The following EYS variants were observed in gnomAD, a reference collection of about 807,000 sequenced individuals.
EYS encodes EGF-like photoreceptor maintenance factor.
In EYS, 250 loss-of-function variants were observed where a neutral mutation model predicts 282.1. The observed-to-expected ratio is 0.89, with a 90% CI of 0.80 to 0.98. The LOEUF (loss-of-function observed/expected upper bound fraction) is 0.98, where lower values mean the gene tolerates loss of function less well. Ranked by LOEUF, EYS falls within the 50% of genes least tolerant of loss-of-function variation. The pLI is 0.00. For missense variants in EYS, 4,016 were observed against 3,709.0 expected (o/e 1.08, Z -2.15); for synonymous variants, 1,355 against 1,282.9 (o/e 1.06, Z -1.20).
intron 12 of EYS, among the ~76,000 whole-genome samples, chr6:65,294,752 A>G (rs1368463832): frequency 3.3e-5 from 5 of 151,866 alleles, no homozygotes; most frequent in African/African-American, 1.2e-4. Flanking sequence ...CTATATATTT[A>G]CTGATATTTG....
chr6:65,335,784 T>C (rs916388238), intron 10 of EYS, among the ~76,000 whole-genome samples: 2 of 151,684 alleles, frequency 1.3e-5, no homozygotes, highest in Non-Finnish European at 1.5e-5. Context: ...TTACCACTTC[T>C]AGGAGAGCAC....
intron 26 of EYS, among the ~76,000 whole-genome samples, chr6:64,511,632 T>A (rs1234026236): frequency 6.6e-6 from 1 of 151,966 alleles, no homozygotes; most frequent in Non-Finnish European, 1.5e-5. Context: ...GAACACTGCT[T>A]TAGTTAGTCT....
intron 42 of EYS, 21 bp from the exon 43 acceptor site, chr6:63,721,818 A>G (rs1768408115): frequency 6.6e-7 from 1 of 1,526,284 alleles, no homozygotes. Flanking sequence ...GCAAACAGTA[A>G]GTTTGATTAG....
intron 12 of EYS, among the ~76,000 whole-genome samples, chr6:65,159,938 C>T (rs547993490): frequency 2.7e-5 from 4 of 150,936 alleles, no homozygotes; most frequent in South Asian, 4.1e-4. Flanking sequence ...ATGAGAGTAA[C>T]GAAGAGTCAA....
chr6:65,244,811 C>T (rs894575100), intron 12 of EYS, among the ~76,000 whole-genome samples: 15 of 151,968 alleles, frequency 9.9e-5, no homozygotes, highest in Non-Finnish European at 1.8e-4. Context: ...CTTGAGCCAC[C>T]GCGCCTGGCC....
chr6:64,066,418 C>A lies in EYS; in HGVS notation c.6645G>T (p.Gly2215=), dbSNP rs376974348. ...TCAAAATATTTTGAGAATTTCCACA[C>A]CCATATTTAACTGATGGCCTTCCTT... The part of the protein sequence containing the change: ...LVEGRPSVKY[G]CGNSQNILTV... The change falls in exon 33 of 43, where the codon GGG becomes GGT. Residue 2215 remains glycine (G), a synonymous_variant. Coordinates refer to ENST00000503581, the MANE Select transcript of EYS (RefSeq NM_001142800.2). 147 of 1,549,810 alleles carry A rather than the reference C, an allele frequency of 9.5e-5. 1 individual carries two copies. In the Admixed American group the frequency reaches 1.1e-3, roughly 12 times the overall value.
At chr6:64,486,604 A>C (rs1776584844) in intron 26 of EYS, among the ~76,000 whole-genome samples, 1 of 151,432 alleles carries the variant, frequency 6.6e-6, no homozygotes, top group African/African-American at 2.4e-5. Context: ...TCTGTATGTT[A>C]AAAATATAAA....
chr6:65,346,759 T>C (rs575116528), intron 9 of EYS, among the ~76,000 whole-genome samples: 1 of 151,856 alleles, frequency 6.6e-6, no homozygotes, highest in African/African-American at 2.4e-5. Flanking sequence ...AACAAGAACA[T>C]ACTATGTAAA....
chr6:65,395,741 G>C (rs1582236381), intron 7 of EYS, among the ~76,000 whole-genome samples: 1 of 152,076 alleles, frequency 6.6e-6, no homozygotes, highest in Admixed American at 6.6e-5. Context: ...AATCAAGTCA[G>C]ATTTAGGGCA....
intron 2 of EYS, among the ~76,000 whole-genome samples, chr6:65,543,971 A>C (rs1742971642): frequency 6.7e-6 from 1 of 150,000 alleles, no homozygotes; most frequent in African/African-American, 2.4e-5. Flanking sequence ...CACAGAATCA[A>C]ACTTTCCCAC....
intron 34 of EYS, among the ~76,000 whole-genome samples, chr6:63,990,378 G>A (rs2149795959): frequency 6.6e-6 from 1 of 151,708 alleles, no homozygotes; most frequent in East Asian, 2.0e-4. Flanking sequence ...AAAATTTATG[G>A]CATTCATTCA....
chr6:65,648,753 A>G (rs1582561410), intron 1 of EYS, among the ~76,000 whole-genome samples: 1 of 152,154 alleles, frequency 6.6e-6, no homozygotes, highest in Non-Finnish European at 1.5e-5. Flanking sequence ...AGGGAAGAAA[A>G]AAGAAAACAA....
At position 65,491,268 on chromosome 6, in the gene EYS, TATACAC is replaced by T. The variant is rs1414093272; in HGVS notation, c.749-567_749-562del. 4.1e-3 allele frequency: 664 copies of T among 160,702 alleles called. 5 individuals carry two copies. Among genetic ancestry groups the T allele is most frequent in the African/African-American group, 0.019 (594 of 30,642 alleles). The allele number at this position is 160,702 out of a possible 1,614,324, so 10.0% of individuals were successfully genotyped here. On this transcript the variant is annotated intron_variant, in intron 4 of 42. Transcript: ENST00000503581. ...TATTGTGGTCCCACTATATCAGTTA[TATACAC>T]ACACACACACACACACACACACACA...
chr6:64,136,924 GC>G (rs2150285358), intron 31 of EYS, among the ~76,000 whole-genome samples: 1 of 152,262 alleles, frequency 6.6e-6, no homozygotes, highest in African/African-American at 2.4e-5. Context: ...ATCTTTTGAA[GC>G]TTTGAAGCCA....
At chr6:65,615,820 G>A (rs763664706) in intron 2 of EYS, among the ~76,000 whole-genome samples, 11 of 152,124 alleles carry the variant, frequency 7.2e-5, no homozygotes, top group East Asian at 1.9e-4. Context: ...TGCAGTCCCA[G>A]CTACTTGGGA....
intron 12 of EYS, among the ~76,000 whole-genome samples, chr6:65,243,038 A>G (rs961304227): frequency 3.3e-5 from 5 of 152,094 alleles, no homozygotes; most frequent in Non-Finnish European, 5.9e-5. Flanking sequence ...ATACATGATT[A>G]ACAAGTGTTT....
chr6:65,454,138 T>G (rs1365016274), intron 5 of EYS, among the ~76,000 whole-genome samples: 2 of 142,770 alleles, frequency 1.4e-5, no homozygotes, highest in African/African-American at 2.5e-5. Flanking sequence ...GATTACAATG[T>G]GTGTAAGTGT....
intron 19 of EYS, among the ~76,000 whole-genome samples, chr6:64,880,148 G>C (rs1338207488): frequency 6.6e-6 from 1 of 151,936 alleles, no homozygotes; most frequent in Non-Finnish European, 1.5e-5. Flanking sequence ...TTACACACAG[G>C]CGGAAAAAGC....
At chr6:65,491,367 G>C in intron 4 of EYS, 1 of 306,000 alleles carries the variant, frequency 3.3e-6, no homozygotes, top group Non-Finnish European at 6.5e-6. Flanking sequence ...CTTAGTAGAG[G>C]AATGTGCCTT....
Sources: allele counts gnomAD v4.1 joint callset (sites outside exome capture counted in the v4.1 genomes callset), GRCh38; gene constraint gnomAD v4.1.1; transcripts MANE v1.5; gene names NCBI Gene and HGNC (gene_info 2026-07-23, HGNC 2026-07-21).